Variants in PARD3 observed in about 807,000 individuals in gnomAD.
PARD3 encodes the protein par-3 family cell polarity regulator.
Under a neutral mutation model 155.4 loss-of-function variants are expected in PARD3, and 75 were observed. The observed-to-expected ratio is 0.48, with a 90% CI of 0.40 to 0.58. The LOEUF is 0.58. Ranked by LOEUF, PARD3 falls within the 20% of genes least tolerant of loss-of-function variation. PARD3 has a pLI of 0.00. For missense variants in PARD3, 1,642 were observed against 1,721.7 expected (o/e 0.95, Z 0.82); for synonymous variants, 576 against 610.5 (o/e 0.94, Z 0.83).
At chr10:34,443,075 A>C (rs1168684738) in intron 5 of PARD3, among the ~76,000 whole-genome samples, 1 of 152,088 alleles carries the variant, frequency 6.6e-6, no homozygotes, top group African/African-American at 2.4e-5. Flanking sequence ...AACTCTGGTA[A>C]GTCGTGTGGA....
At chr10:34,529,381 A>G (rs899022537) in intron 2 of PARD3, among the ~76,000 whole-genome samples, 4 of 152,244 alleles carry the variant, frequency 2.6e-5, no homozygotes, top group African/African-American at 9.6e-5. Context: ...CTAGGGAAAG[A>G]AAAGTAGCAT....
chr10:34,578,618 T>C (rs533045067), intron 2 of PARD3, among the ~76,000 whole-genome samples: 3 of 152,320 alleles, frequency 2.0e-5, no homozygotes, highest in African/African-American at 7.2e-5. Context: ...ATTTTACATA[T>C]GAAGAAACTG....
chr10:34,172,152 C>T (rs537519491), intron 22 of PARD3, among the ~76,000 whole-genome samples: 6 of 151,904 alleles, frequency 3.9e-5, no homozygotes, highest in Non-Finnish European at 7.4e-5. Context: ...TAAGTGTAAA[C>T]GAATCAGAAA....
At chr10:34,810,122 G>T (rs964250550) in intron 1 of PARD3, among the ~76,000 whole-genome samples, 22 of 152,050 alleles carry the variant, frequency 1.4e-4, no homozygotes, top group Admixed American at 3.9e-4. Context: ...ATCCCTAATT[G>T]AAAAATCCAA....
intron 14 of PARD3, among the ~76,000 whole-genome samples, chr10:34,353,308 A>C (rs2134427818): frequency 6.6e-6 from 1 of 152,362 alleles, no homozygotes; most frequent in East Asian, 1.9e-4. Context: ...AAGAGAGATC[A>C]GATTTTTACT....
chr10:34,759,961 T>C (rs1007037490), intron 1 of PARD3, among the ~76,000 whole-genome samples: 1 of 152,218 alleles, frequency 6.6e-6, no homozygotes, highest in African/African-American at 2.4e-5. Flanking sequence ...GGGAGTGGAA[T>C]TCCTTTATTC....
intron 15 of PARD3, among the ~76,000 whole-genome samples, chr10:34,342,358 T>C (rs1836917467): frequency 6.6e-6 from 1 of 152,184 alleles, no homozygotes; most frequent in African/African-American, 2.4e-5. Flanking sequence ...TGTGTTGTAA[T>C]TGCCTGGGTT....
chr10:34,211,233 G>A (rs1157599048), intron 22 of PARD3, among the ~76,000 whole-genome samples: 13 of 152,154 alleles, frequency 8.5e-5, no homozygotes, highest in Non-Finnish European at 1.2e-4. Flanking sequence ...GTCTAGGGTC[G>A]TAAAGATTAG....
At chr10:34,121,475 A>C (rs534178771) in intron 23 of PARD3, among the ~76,000 whole-genome samples, 1 of 152,318 alleles carries the variant, frequency 6.6e-6, no homozygotes, top group African/African-American at 2.4e-5. Flanking sequence ...TTAGAGTTGA[A>C]AGCTAATGGT....
intron 1 of PARD3, among the ~76,000 whole-genome samples, chr10:34,749,407 A>G (rs1835711108): frequency 6.6e-6 from 1 of 152,142 alleles, no homozygotes; most frequent in Non-Finnish European, 1.5e-5. Flanking sequence ...AATAACTTGA[A>G]TTAATATACA....
chr10:34,537,488 G>C (rs2083304429), intron 2 of PARD3, among the ~76,000 whole-genome samples: 1 of 152,200 alleles, frequency 6.6e-6, no homozygotes, highest in Non-Finnish European at 1.5e-5. Context: ...AAGCCAAGGA[G>C]ACAATGGGTG....
chr10:34,220,292 T>TA lies in PARD3; in HGVS notation c.3419+49364dup, dbSNP rs980848737. Among the ~76,000 whole-genome samples the TA allele has an allele frequency of 3.9e-5, 6 of 152,086 alleles. 1 individual carries two copies. Among genetic ancestry groups the TA allele is most frequent in the East Asian group, 1.9e-4 (1 of 5,194 alleles). On this transcript the variant is annotated intron_variant, in intron 22 of 24. Transcript: ENST00000374788. ...GATAGGGAGTGACATCCCGCGTTTT[T>TA]AAAAAATATGAAGCTTCTGATAGCT...
intron 2 of PARD3, among the ~76,000 whole-genome samples, chr10:34,637,462 G>GT (rs2092520574): frequency 6.6e-6 from 1 of 152,226 alleles, no homozygotes; most frequent in Non-Finnish European, 1.5e-5. Flanking sequence ...GTGATCCTGT[G>GT]TATCAGGCCC....
At chr10:34,514,962 G>A (rs866067418) in intron 3 of PARD3, among the ~76,000 whole-genome samples, 1 of 152,104 alleles carries the variant, frequency 6.6e-6, no homozygotes, top group African/African-American at 2.4e-5. Flanking sequence ...TAACACAACA[G>A]AAAGTTCTGT....
chr10:34,171,584 C>A (rs1247264754), intron 22 of PARD3, among the ~76,000 whole-genome samples: 1 of 152,092 alleles, frequency 6.6e-6, no homozygotes. Context: ...CCTCCTACCC[C>A]TCCTGTCCTC....
At chr10:34,214,384 C>T (rs1318373660) in intron 22 of PARD3, among the ~76,000 whole-genome samples, 1 of 152,156 alleles carries the variant, frequency 6.6e-6, no homozygotes, top group Non-Finnish European at 1.5e-5. Flanking sequence ...CTTCCTTGCA[C>T]ATCATCAATG....
chr10:34,153,252 T>C (rs1281296902), intron 22 of PARD3, among the ~76,000 whole-genome samples: 6 of 152,068 alleles, frequency 3.9e-5, no homozygotes, highest in Non-Finnish European at 7.4e-5. Flanking sequence ...CCGCAAGTGA[T>C]CCTCCCAACT....
At position 34,360,163 on chromosome 10, in the gene PARD3, C is replaced by T; in HGVS notation, c.1804G>A (p.Gly602Ser). Residue 602 changes from glycine to serine, a missense_variant, in exon 13 of 25, where the codon GGT becomes AGT. Gly to Ser is a moderately conservative substitution (Grantham distance 56). Coordinates refer to ENST00000374788, the MANE Select transcript of PARD3 (RefSeq NM_001184785.2). ...GACCGGTTACCTTTGACACTGACAC[C>T]AAGGCCTGCAGATCCTGAATCATTA... ...PLNDSGSAGLGVSVKGNRSKE... is the reference protein window; with the variant it reads ...PLNDSGSAGLSVSVKGNRSKE... 1 of 1,613,938 alleles carries T rather than the reference C, an allele frequency of 6.2e-7. No homozygotes were observed. The highest frequency in any genetic ancestry group is 1.1e-5 in the South Asian group (1 of 91,076).
chr10:34,775,053 ATATGAGCAAAAGTG>A (rs1294294237), intron 1 of PARD3, among the ~76,000 whole-genome samples: 1 of 152,246 alleles, frequency 6.6e-6, no homozygotes, highest in East Asian at 1.9e-4. Flanking sequence ...GAAACAAAAA[ATATGAGCAAAAGTG>A]GGCATTTTTT....
Sources: gnomAD v4.1 joint callset for allele counts (sites outside exome capture counted in the v4.1 genomes callset) on GRCh38, gnomAD v4.1.1 for gene constraint, MANE v1.5 for transcripts, NCBI Gene and HGNC (gene_info 2026-07-23, HGNC 2026-07-21) for gene names.